IQCM: variants seen among roughly 807,000 people sequenced by gnomAD.
IQCM encodes the protein IQ motif containing M.
In IQCM, 45 loss-of-function variants were observed where a neutral mutation model predicts 57.6. That is an observed-to-expected ratio of 0.78 (90% CI 0.62 to 1.00). IQCM has a LOEUF of 1.00. IQCM is among the 50% of genes least tolerant of loss of function. The pLI is 0.00. For missense variants in IQCM, 468 were observed against 511.6 expected (o/e 0.91, Z 0.82); for synonymous variants, 148 against 158.9 (o/e 0.93, Z 0.51).
intron 5 of IQCM, among the ~76,000 whole-genome samples, chr4:149,724,851 A>G (rs145101838): frequency 1.6e-4 from 24 of 152,174 alleles, no homozygotes; most frequent in Middle Eastern, 3.4e-3. Context: ...TTTTATATAT[A>G]TTACAAAAAC....
chr4:149,810,126 G>A (rs759543884), intron 2 of IQCM, among the ~76,000 whole-genome samples: 9 of 151,960 alleles, frequency 5.9e-5, no homozygotes, highest in African/African-American at 9.7e-5. Flanking sequence ...GGCTCACACC[G>A]GTAATCCTAG....
intron 7 of IQCM, among the ~76,000 whole-genome samples, chr4:149,669,858 C>T (rs1365320922): frequency 1.3e-5 from 2 of 152,160 alleles, no homozygotes; most frequent in Admixed American, 6.6e-5. Flanking sequence ...GTACCAGCAC[C>T]ATGCTGTTTT....
intron 7 of IQCM, among the ~76,000 whole-genome samples, chr4:149,674,157 G>A (rs902495155): frequency 4.6e-5 from 7 of 151,936 alleles, no homozygotes; most frequent in East Asian, 1.9e-4. Context: ...GATTTTTTCC[G>A]GTGTATTTTT....
chr4:149,514,275 C>T (rs926474790), intron 12 of IQCM, among the ~76,000 whole-genome samples: 5 of 152,160 alleles, frequency 3.3e-5, no homozygotes, highest in Admixed American at 3.3e-4. Context: ...AATTTGAGAT[C>T]TGCTGAATTA....
intron 7 of IQCM, among the ~76,000 whole-genome samples, chr4:149,652,261 A>G (rs1759251535): frequency 6.6e-6 from 1 of 152,088 alleles, no homozygotes; most frequent in Admixed American, 6.6e-5. Context: ...ACACATGGAC[A>G]CACGGAGGGA....
At chr4:149,715,110 C>T (rs1347204605) in intron 5 of IQCM, among the ~76,000 whole-genome samples, 1 of 152,178 alleles carries the variant, frequency 6.6e-6, no homozygotes, top group African/African-American at 2.4e-5. Flanking sequence ...CATCACTTCA[C>T]CAGCCAGAAA....
intron 3 of IQCM, among the ~76,000 whole-genome samples, chr4:149,738,350 G>C (rs1767137967): frequency 6.6e-6 from 1 of 152,176 alleles, no homozygotes; most frequent in Non-Finnish European, 1.5e-5. Context: ...GTCATTTAAT[G>C]TGCTGATGCA....
intron 2 of IQCM, among the ~76,000 whole-genome samples, chr4:149,747,715 T>G (rs923806700): frequency 2.6e-5 from 4 of 152,162 alleles, no homozygotes; most frequent in Admixed American, 6.5e-5. Flanking sequence ...CTCTATGAAT[T>G]TATGATTAAT....
At chr4:149,552,319 T>A (rs1481101758) in intron 11 of IQCM, among the ~76,000 whole-genome samples, 2 of 152,186 alleles carry the variant, frequency 1.3e-5, no homozygotes, top group East Asian at 1.9e-4. Flanking sequence ...AAATACTGTA[T>A]GACTAGCTGA....
At chr4:149,475,383 T>A (rs909296205) in intron 12 of IQCM, among the ~76,000 whole-genome samples, 1 of 152,128 alleles carries the variant, frequency 6.6e-6, no homozygotes, top group Non-Finnish European at 1.5e-5. Context: ...CAATTTGGAC[T>A]ATAATCAGGA....
chr4:149,678,248 G>A (rs1370416802), intron 7 of IQCM, among the ~76,000 whole-genome samples: 2 of 151,596 alleles, frequency 1.3e-5, no homozygotes, highest in African/African-American at 2.4e-5. Context: ...ACCCTCAAAG[G>A]TCAAGGATAA....
intron 7 of IQCM, among the ~76,000 whole-genome samples, chr4:149,622,493 C>T (rs1756435546): frequency 6.6e-6 from 1 of 152,068 alleles, no homozygotes; most frequent in African/African-American, 2.4e-5. Flanking sequence ...CAGGCACCAG[C>T]CTCCACGCCC....
At chr4:149,440,732 C>A (rs1735857977) in intron 12 of IQCM, among the ~76,000 whole-genome samples, 1 of 151,924 alleles carries the variant, frequency 6.6e-6, no homozygotes, top group Admixed American at 6.6e-5. Flanking sequence ...GAAATGAATT[C>A]CAAATAAATG....
intron 13 of IQCM, among the ~76,000 whole-genome samples, chr4:149,364,797 T>C (rs1237698993): frequency 6.6e-6 from 1 of 152,154 alleles, no homozygotes; most frequent in Non-Finnish European, 1.5e-5. Context: ...CATGATATAC[T>C]TGAGTTTGAA....
intron 7 of IQCM, among the ~76,000 whole-genome samples, chr4:149,668,659 T>A (rs1418508111): frequency 6.6e-6 from 1 of 152,064 alleles, no homozygotes; most frequent in African/African-American, 2.4e-5. Flanking sequence ...AGTATAATAA[T>A]TAAATAAAAG....
chr4:149,630,797 G>T (rs1757200608), intron 7 of IQCM, among the ~76,000 whole-genome samples: 1 of 152,044 alleles, frequency 6.6e-6, no homozygotes, highest in Non-Finnish European at 1.5e-5. Flanking sequence ...TCTGAAATGT[G>T]ACTAAAGATT....
intron 12 of IQCM, among the ~76,000 whole-genome samples, chr4:149,527,549 G>A (rs1042892316): frequency 6.6e-6 from 1 of 152,146 alleles, no homozygotes; most frequent in Non-Finnish European, 1.5e-5. Context: ...CCAGTTTCCA[G>A]AACTGTGAGA....
intron 7 of IQCM, among the ~76,000 whole-genome samples, chr4:149,638,238 C>A (rs1452228210): frequency 6.6e-6 from 1 of 151,928 alleles, no homozygotes; most frequent in Non-Finnish European, 1.5e-5. Flanking sequence ...ATGGGTAAAC[C>A]CACTAACATG....
At chr4:149,470,561 C>A (rs1014486439) in intron 12 of IQCM, among the ~76,000 whole-genome samples, 1 of 152,114 alleles carries the variant, frequency 6.6e-6, no homozygotes, top group African/African-American at 2.4e-5. Context: ...TTAGACAGAT[C>A]AACGAGACAG....
Sources: allele counts gnomAD v4.1 joint callset (sites outside exome capture counted in the v4.1 genomes callset), GRCh38; gene constraint gnomAD v4.1.1; transcripts MANE v1.5; gene names NCBI Gene and HGNC (gene_info 2026-07-23, HGNC 2026-07-21).